The following CYB5R4 variants were observed in gnomAD, a reference collection of about 807,000 sequenced individuals.
CYB5R4 encodes cytochrome b5 reductase 4.
A neutral mutation model predicts 70.2 loss-of-function variants in CYB5R4; 55 were observed. That is an observed-to-expected ratio of 0.78 (90% CI 0.63 to 0.98). CYB5R4 has a LOEUF of 0.98. Among genes scored for constraint, CYB5R4 ranks in the 50% least tolerant of loss-of-function variants. CYB5R4 has a pLI of 0.00. For synonymous variants in CYB5R4, 197 were observed against 199.5 expected (o/e 0.99, Z 0.11); for missense variants, 562 against 612.6 (o/e 0.92, Z 0.87).
intron 1 of CYB5R4, among the ~76,000 whole-genome samples, chr6:83,863,348 C>T (rs2099456252): frequency 6.6e-6 from 1 of 152,166 alleles, no homozygotes; most frequent in African/African-American, 2.4e-5. Flanking sequence ...CATAGTTTGC[C>T]ACCCCTTCCC....
intron 15 of CYB5R4, among the ~76,000 whole-genome samples, chr6:83,958,496 G>A (rs1255947274): frequency 4.6e-5 from 7 of 152,194 alleles, no homozygotes; most frequent in Admixed American, 3.9e-4. Context: ...GAGAGATGGA[G>A]AAGGGGATAG....
intron 3 of CYB5R4, among the ~76,000 whole-genome samples, chr6:83,907,099 A>T (rs952527211): frequency 6.6e-6 from 1 of 152,130 alleles, no homozygotes; most frequent in East Asian, 1.9e-4. Context: ...TTTTTTTCAA[A>T]CAGGGTCTTG....
chr6:83,896,499 A>G (rs935822420), intron 3 of CYB5R4, among the ~76,000 whole-genome samples: 2 of 152,216 alleles, frequency 1.3e-5, no homozygotes, highest in East Asian at 1.9e-4. Flanking sequence ...TGTAGCTCCT[A>G]TGAGTGAAAA....
At chr6:83,892,308 C>G (rs997926789) in intron 2 of CYB5R4, among the ~76,000 whole-genome samples, 2 of 152,042 alleles carry the variant, frequency 1.3e-5, no homozygotes, top group African/African-American at 2.4e-5. Flanking sequence ...TTTCTTGGGT[C>G]TGAAATCCAA....
At position 83,872,606 on chromosome 6, in the gene CYB5R4, C is replaced by T. The variant is rs548339550; in HGVS notation, c.229+8278C>T. 1.1e-3 allele frequency among the ~76,000 whole-genome samples: 169 copies of T among 152,288 alleles called. 1 individual carries two copies. Among genetic ancestry groups the T allele is most frequent in the African/African-American group, 4.0e-3 (165 of 41,562 alleles). On this transcript the variant is annotated intron_variant, in intron 2 of 15. Coordinates refer to ENST00000369681, the MANE Select transcript of CYB5R4 (RefSeq NM_016230.4). ...TATCTTTTGGTTTCCCTTCTGAGATCACTGTGTTTTAGGATTAACGCTAAG... is the reference window on the plus strand; with the variant it reads ...TATCTTTTGGTTTCCCTTCTGAGATTACTGTGTTTTAGGATTAACGCTAAG...
At chr6:83,890,010 C>G (rs576570243) in intron 2 of CYB5R4, among the ~76,000 whole-genome samples, 80 of 152,312 alleles carry the variant, frequency 5.3e-4, no homozygotes, top group Non-Finnish European at 8.7e-4. Context: ...TACAATTCAA[C>G]ATGAGATTTG....
At position 83,961,241 on chromosome 6, in the gene CYB5R4, G is replaced by A. The variant is rs2099473295; in HGVS notation, c.*1363G>A. Reference sequence around the variant, plus strand: ...CCATCATCATTATTCACAAAGACAGGAATCTAGCTGTCCTGGACTGGTACT... The same window carrying A: ...CCATCATCATTATTCACAAAGACAGAAATCTAGCTGTCCTGGACTGGTACT... On this transcript the variant is annotated 3_prime_UTR_variant, in exon 16 of 16. Transcript: ENST00000369681. 1 of 152,130 alleles carries A rather than the reference G, an allele frequency of 6.6e-6. No individual in the cohort carries two copies. The highest frequency in any genetic ancestry group is 1.5e-5 in the Non-Finnish European group (1 of 68,048). 9.4% of individuals were successfully genotyped at this position (152,130 alleles called of 1,614,324 possible).
chr6:83,945,088 A>G (rs929342837), intron 14 of CYB5R4, among the ~76,000 whole-genome samples: 13 of 152,206 alleles, frequency 8.5e-5, no homozygotes, highest in Admixed American at 6.5e-5. Flanking sequence ...ATAGACATCT[A>G]TGGAACTCTT....
intron 15 of CYB5R4, among the ~76,000 whole-genome samples, chr6:83,959,486 T>TG (rs1193925806): frequency 6.6e-6 from 1 of 151,734 alleles, no homozygotes; most frequent in African/African-American, 2.4e-5. Flanking sequence ...CAGGATGGAG[T>TG]GGGGGTCTGG....
chr6:83,898,346 A>G (rs1307165793), intron 3 of CYB5R4, among the ~76,000 whole-genome samples: 3 of 152,136 alleles, frequency 2.0e-5, no homozygotes, highest in African/African-American at 7.2e-5. Context: ...TACCAGTACC[A>G]TGCTGTTTTG....
intron 2 of CYB5R4, among the ~76,000 whole-genome samples, chr6:83,876,739 G>T (rs1157018820): frequency 6.6e-6 from 1 of 152,070 alleles, no homozygotes; most frequent in Non-Finnish European, 1.5e-5. Flanking sequence ...AAGAGATAAA[G>T]ATAATTAAAA....
At chr6:83,916,333 C>A (rs931101759) in intron 5 of CYB5R4, among the ~76,000 whole-genome samples, 1 of 151,988 alleles carries the variant, frequency 6.6e-6, no homozygotes, top group African/African-American at 2.4e-5. Flanking sequence ...TTTATCAATT[C>A]TGTTTATAGC....
chr6:83,861,982 T>G (rs561698019), intron 1 of CYB5R4, among the ~76,000 whole-genome samples: 1 of 152,350 alleles, frequency 6.6e-6, no homozygotes, highest in East Asian at 1.9e-4. Context: ...ACCTAGTGAC[T>G]AGCTTAAGTG....
At chr6:83,927,547 T>G (rs1471190676) in intron 10 of CYB5R4, among the ~76,000 whole-genome samples, 1 of 152,126 alleles carries the variant, frequency 6.6e-6, no homozygotes, top group Non-Finnish European at 1.5e-5. Flanking sequence ...AGGGATACAT[T>G]TAAGTTTATC....
At chr6:83,874,903 ACCTCCGCCT>A (rs1225335441) in intron 2 of CYB5R4, among the ~76,000 whole-genome samples, 1 of 151,386 alleles carries the variant, frequency 6.6e-6, no homozygotes, top group Non-Finnish European at 1.5e-5. Context: ...GCTCACTGCA[ACCTCCGCCT>A]CCCAGGTTCA....
At chr6:83,938,873 C>T (rs1398683902) in intron 12 of CYB5R4, among the ~76,000 whole-genome samples, 4 of 151,674 alleles carry the variant, frequency 2.6e-5, no homozygotes, top group Non-Finnish European at 5.9e-5. Flanking sequence ...CTCTTGTTGC[C>T]CAGGCTGGAG....
chr6:83,893,264 T>G (rs1050222442), intron 2 of CYB5R4, among the ~76,000 whole-genome samples: 1 of 152,194 alleles, frequency 6.6e-6, no homozygotes, highest in East Asian at 1.9e-4. Flanking sequence ...GCTATTGATG[T>G]GAGTGCTAAA....
intron 3 of CYB5R4, among the ~76,000 whole-genome samples, chr6:83,899,754 G>A (rs1478686134): frequency 6.6e-6 from 1 of 152,162 alleles, no homozygotes; most frequent in Non-Finnish European, 1.5e-5. Context: ...TATTTGCATA[G>A]AGGTGTTTAT....
rs1264603596 is a variant in CYB5R4, at chr6:83,960,851, G to A, written c.*973G>A. 6.6e-6 allele frequency: 1 copy of A among 152,172 alleles called. No individual in the cohort carries two copies. Among genetic ancestry groups the A allele is most frequent in the Non-Finnish European group, 1.5e-5 (1 of 68,046 alleles). 9.4% of individuals were successfully genotyped at this position (152,172 alleles called of 1,614,324 possible). A position where few individuals can be genotyped will look rare whatever the true frequency, so the allele number is the denominator to read the frequency against. The stretch of plus-strand genomic sequence containing the variant: ...ACTTATTTTCTCTTCCTGCTGCTTT[G>A]TGCAACTGTCAAATACTTTCACAGA... On this transcript the variant is annotated 3_prime_UTR_variant, in exon 16 of 16. Transcript: ENST00000369681.
Sources: gnomAD v4.1 joint callset for allele counts (sites outside exome capture counted in the v4.1 genomes callset) on GRCh38, gnomAD v4.1.1 for gene constraint, MANE v1.5 for transcripts, NCBI Gene and HGNC (gene_info 2026-07-23, HGNC 2026-07-21) for gene names.